Variants in TAFA1 observed in about 807,000 individuals in gnomAD.
TAFA1 encodes chemokine-like protein TAFA-1.
In TAFA1, 4 loss-of-function variants were observed where a neutral mutation model predicts 18.5. The observed-to-expected ratio is 0.22, with a 90% CI of 0.11 to 0.49. The LOEUF (loss-of-function observed/expected upper bound fraction) is 0.49. Among genes scored for constraint, TAFA1 ranks in the 20% least tolerant of loss-of-function variants. The pLI is 0.98. For missense variants in TAFA1, 147 were observed against 169.0 expected, an observed-to-expected ratio of 0.87 and a Z score of 0.72; for synonymous variants, 56 against 55.2, an observed-to-expected ratio of 1.01 and a Z score of -0.06.
intron 2 of TAFA1, among the ~76,000 whole-genome samples, chr3:68,384,154 A>G (rs2070039229): frequency 6.6e-6 from 1 of 151,844 alleles, no homozygotes; most frequent in Non-Finnish European, 1.5e-5. Flanking sequence ...GATATTTTAA[A>G]TGGCTTTTCA....
chr3:68,463,510 T>C (rs577523560), intron 3 of TAFA1, among the ~76,000 whole-genome samples: 1 of 152,282 alleles, frequency 6.6e-6, no homozygotes, highest in South Asian at 2.1e-4. Context: ...TCTCTCAGGA[T>C]CCGCCCCCAC....
intron 3 of TAFA1, among the ~76,000 whole-genome samples, chr3:68,493,941 A>G (rs898998539): frequency 6.6e-6 from 1 of 152,140 alleles, no homozygotes; most frequent in African/African-American, 2.4e-5. Context: ...TCAGAATCTG[A>G]TAACCAGGAG....
At chr3:68,204,963 A>T (rs2066508801) in intron 2 of TAFA1, among the ~76,000 whole-genome samples, 1 of 151,882 alleles carries the variant, frequency 6.6e-6, no homozygotes, top group Non-Finnish European at 1.5e-5. Flanking sequence ...CCATTTAGTA[A>T]ATCATATCCT....
chr3:68,163,231 G>A (rs1575654147), intron 2 of TAFA1, among the ~76,000 whole-genome samples: 2 of 152,058 alleles, frequency 1.3e-5, no homozygotes, highest in Non-Finnish European at 1.5e-5. Context: ...AAGTACTGAC[G>A]ATGGTGAAAA....
intron 2 of TAFA1, among the ~76,000 whole-genome samples, chr3:68,109,028 T>C (rs1333249911): frequency 2.6e-5 from 4 of 152,108 alleles, no homozygotes. Context: ...TCCTCAAGGA[T>C]GCATATAATG....
chr3:68,326,265 T>C (rs1322881716), intron 2 of TAFA1, among the ~76,000 whole-genome samples: 1 of 152,214 alleles, frequency 6.6e-6, no homozygotes, highest in Non-Finnish European at 1.5e-5. Context: ...ACTTTTGACA[T>C]GTTCCTTGTG....
chr3:68,009,121 CT>C (rs936366220), intron 2 of TAFA1, among the ~76,000 whole-genome samples: 3 of 151,966 alleles, frequency 2.0e-5, no homozygotes, highest in African/African-American at 7.3e-5. Context: ...GGCAACAACT[CT>C]TTTTTTTCTC....
chr3:68,115,794 T>A (rs995108684), intron 2 of TAFA1, among the ~76,000 whole-genome samples: 12 of 152,208 alleles, frequency 7.9e-5, no homozygotes, highest in African/African-American at 2.7e-4. Context: ...ACAAGATGAT[T>A]GTTTATCTAA....
At chr3:68,297,834 A>C (rs1348748774) in intron 2 of TAFA1, among the ~76,000 whole-genome samples, 1 of 151,800 alleles carries the variant, frequency 6.6e-6, no homozygotes, top group Non-Finnish European at 1.5e-5. Context: ...TTTTCTTTGT[A>C]AGTTAATATT....
At chr3:68,335,959 A>G (rs1293036556) in intron 2 of TAFA1, among the ~76,000 whole-genome samples, 1 of 152,152 alleles carries the variant, frequency 6.6e-6, no homozygotes, top group Non-Finnish European at 1.5e-5. Flanking sequence ...TTTGTTCTAT[A>G]CATCTCTTCC....
At position 68,291,844 on chromosome 3, in the gene TAFA1, T is replaced by C. The variant is rs575278320; in HGVS notation, c.119-125436T>C. On this transcript the variant is annotated intron_variant, in intron 2 of 4. Coordinates refer to ENST00000478136, the MANE Select transcript of TAFA1 (RefSeq NM_213609.4). ...TTAGAGAATCCTGGGTCACCTGCCATACAAGGGATAACAGAAATGAAATGC... is the reference window on the plus strand; with the variant it reads ...TTAGAGAATCCTGGGTCACCTGCCACACAAGGGATAACAGAAATGAAATGC... Among the ~76,000 whole-genome samples, 129 of 152,290 alleles carry C rather than the reference T, an allele frequency of 8.5e-4. 2 individuals carry two copies. The highest frequency in any genetic ancestry group is 1.5e-3 in the Non-Finnish European group (100 of 68,016).
intron 2 of TAFA1, among the ~76,000 whole-genome samples, chr3:68,168,795 A>C (rs1002824996): frequency 1.3e-5 from 2 of 152,164 alleles, no homozygotes; most frequent in Non-Finnish European, 1.5e-5. Context: ...AAAAATAGAC[A>C]ATTGCTTTTT....
At chr3:68,424,507 C>CAA (rs1324976576) in intron 3 of TAFA1, among the ~76,000 whole-genome samples, 2 of 150,992 alleles carry the variant, frequency 1.3e-5, no homozygotes, top group Admixed American at 1.3e-4. Context: ...ATTTTTTTTT[C>CAA]AAGTGGCATT....
intron 2 of TAFA1, among the ~76,000 whole-genome samples, chr3:68,012,893 C>G (rs1365935393): frequency 6.6e-6 from 1 of 152,152 alleles, no homozygotes. Context: ...TGAAGATACT[C>G]CTTGGACAAA....
At chr3:68,039,504 T>C (rs930379772) in intron 2 of TAFA1, among the ~76,000 whole-genome samples, 4 of 152,176 alleles carry the variant, frequency 2.6e-5, no homozygotes, top group Non-Finnish European at 5.9e-5. Flanking sequence ...TACATGTGTG[T>C]ATTTTATACG....
chr3:68,369,767 A>G lies in TAFA1; in HGVS notation c.119-47513A>G, dbSNP rs555767287. On this transcript the variant is annotated intron_variant, in intron 2 of 4. Coordinates refer to ENST00000478136, the MANE Select transcript of TAFA1 (RefSeq NM_213609.4). ...TCTCCAAATACTCTTCTTGTTAAAC[A>G]AGATCTCCTGTTTCTAGAATGGTGT... Among the ~76,000 whole-genome samples, 55 of 152,194 alleles carry G rather than the reference A, an allele frequency of 3.6e-4. 1 individual carries two copies. Among genetic ancestry groups the G allele is most frequent in the Admixed American group, 5.2e-4 (8 of 15,286 alleles).
rs546724923 is a variant in TAFA1 at position 68,054,715 on chromosome 3, T to C, written c.118+47971T>C. 7.9e-5 allele frequency among the ~76,000 whole-genome samples: 12 copies of C among 152,360 alleles called. No homozygotes were observed. In the East Asian group the frequency reaches 1.5e-3, roughly 20 times the overall value. On this transcript the variant is annotated intron_variant, in intron 2 of 4. Transcript: ENST00000478136. Reference sequence around the variant, plus strand: ...TATGGCCTGCAAGGCCTAAACTGTTTACTATCTGGTGCTTTACAGGCAAAG... The same window carrying C: ...TATGGCCTGCAAGGCCTAAACTGTTCACTATCTGGTGCTTTACAGGCAAAG...
At chr3:68,482,032 A>C (rs2072246855) in intron 3 of TAFA1, among the ~76,000 whole-genome samples, 1 of 152,192 alleles carries the variant, frequency 6.6e-6, no homozygotes, top group Admixed American at 6.5e-5. Context: ...GTTTTCTGAG[A>C]CGGAGTCTCG....
chr3:68,289,091 C>T (rs765721634), intron 2 of TAFA1, among the ~76,000 whole-genome samples: 3 of 152,092 alleles, frequency 2.0e-5, no homozygotes, highest in Non-Finnish European at 4.4e-5. Flanking sequence ...GTGACCACTG[C>T]CTGGTGAAGA....
Sources: allele counts gnomAD v4.1 joint callset (sites outside exome capture counted in the v4.1 genomes callset), GRCh38; gene constraint gnomAD v4.1.1; transcripts MANE v1.5; gene names NCBI Gene and HGNC (gene_info 2026-07-23, HGNC 2026-07-21).